The following OR4Q3 variants were observed in gnomAD, a reference collection of about 807,000 sequenced individuals.
OR4Q3 encodes olfactory receptor 4Q3.
In OR4Q3, 17 loss-of-function variants were observed where a neutral mutation model predicts 18.8. The observed-to-expected ratio is 0.91, with a 90% CI of 0.62 to 1.36. OR4Q3 has a LOEUF of 1.36. Among genes scored for constraint, OR4Q3 ranks in the 40% most tolerant of loss-of-function variants. The probability of loss-of-function intolerance (pLI) is 0.00; values close to 1 mark genes in which losing one functional copy is unlikely to be tolerated. For missense variants in OR4Q3, 378 were observed against 373.4 expected, an observed-to-expected ratio of 1.01 and a Z score of -0.10; for synonymous variants, 158 against 145.8, an observed-to-expected ratio of 1.08 and a Z score of -0.60.
chr14:19,749,769 T>TC, downstream of OR4Q3, among the ~76,000 whole-genome samples: 1 of 144,966 alleles, frequency 6.9e-6, no homozygotes, highest in Non-Finnish European at 1.5e-5. Flanking sequence ...TCTCTCTTTT[T>TC]CTCTTTTTCT....
chr14:19,749,640 C>CAAAAAAA, downstream of OR4Q3, among the ~76,000 whole-genome samples: 73 of 107,454 alleles, frequency 6.8e-4, no homozygotes, highest in African/African-American at 1.3e-3. Flanking sequence ...AAAAAGAAAG[C>CAAAAAAA]AAGCTAATAA....
intron 1 of OR4Q3, among the ~76,000 whole-genome samples, chr14:19,746,124 T>G: frequency 1.3e-5 from 2 of 151,998 alleles, no homozygotes; most frequent in Admixed American, 6.6e-5. Flanking sequence ...TGAAGGATTT[T>G]ATTGGATAAC....
exon 2 of OR4Q3, chr14:19,748,146 C>T: frequency 1.9e-6 from 3 of 1,614,074 alleles, no homozygotes; most frequent in Non-Finnish European, 2.5e-6. Flanking sequence ...GTCTTCTCTA[C>T]CTGTGCTTCT....
At chr14:19,746,001 C>G in intron 1 of OR4Q3, among the ~76,000 whole-genome samples, 2 of 152,074 alleles carry the variant, frequency 1.3e-5, no homozygotes, top group Admixed American at 1.3e-4. Context: ...CTCTCTCTCA[C>G]TGGCTTATCT....
downstream of OR4Q3, among the ~76,000 whole-genome samples, chr14:19,752,143 T>C: frequency 6.6e-6 from 1 of 152,134 alleles, no homozygotes; most frequent in Non-Finnish European, 1.5e-5. Flanking sequence ...CCCAAAGAAA[T>C]TGCAACAAAA....
chr14:19,748,425 C>T, exon 2 of OR4Q3: 3 of 1,357,104 alleles, frequency 2.2e-6, no homozygotes, highest in African/African-American at 1.5e-5. Context: ...AGACTCTTAA[C>T]TCATCTTGTA....
chr14:19,747,733 C>A, exon 2 of OR4Q3: 1 of 1,613,944 alleles, frequency 6.2e-7, no homozygotes, highest in East Asian at 2.2e-5. Flanking sequence ...TGGCCCAGAT[C>A]TACTTCCTCC....
At chr14:19,750,983 T>A, downstream of OR4Q3, among the ~76,000 whole-genome samples, 1 of 152,196 alleles carries the variant, frequency 6.6e-6, no homozygotes, top group African/African-American at 2.4e-5. Context: ...ACAGAAAGAT[T>A]TGAGTGGTGC....
chr14:19,744,940 T>C lies in OR4Q3; in HGVS notation c.2+1269T>C. Among the ~76,000 whole-genome samples the C allele has an allele frequency of 7.2e-5, 11 of 152,296 alleles. No individual in the cohort carries two copies. In the South Asian group the frequency reaches 8.3e-4, roughly 11 times the overall value. On this transcript the variant is annotated intron_variant, in intron 1 of 1. Transcript: ENST00000642117. ...CTTCAGAAACACAGAAGCTGGGAGA[T>C]GACTCTACCAAATGTGGAAATGTTA...
At chr14:19,749,086 C>G in exon 2 of OR4Q3, 1 of 152,458 alleles carries the variant, frequency 6.6e-6, no homozygotes, top group Non-Finnish European at 1.5e-5. Context: ...ATTGGAATTA[C>G]AGTGGGGGTG....
chr14:19,751,125 T>C, downstream of OR4Q3, among the ~76,000 whole-genome samples: 2 of 152,256 alleles, frequency 1.3e-5, no homozygotes, highest in Non-Finnish European at 2.9e-5. Flanking sequence ...TCATTTTAAA[T>C]GTCCAGTTGA....
exon 2 of OR4Q3, chr14:19,747,566 G>T: frequency 6.2e-7 from 1 of 1,613,712 alleles, no homozygotes. Flanking sequence ...CTTGATAGTG[G>T]TAACAGTGCA....
chr14:19,747,858 G>C, exon 2 of OR4Q3: 1 of 1,614,028 alleles, frequency 6.2e-7, no homozygotes, highest in Non-Finnish European at 8.5e-7. Context: ...CTATGCCTTT[G>C]GTTGGTTCTT....
intron 1 of OR4Q3, among the ~76,000 whole-genome samples, chr14:19,745,006 G>C: frequency 6.6e-6 from 1 of 152,160 alleles, no homozygotes; most frequent in Admixed American, 6.6e-5. Flanking sequence ...TTAGTATTAT[G>C]TTTCATATTG....
exon 2 of OR4Q3, chr14:19,747,641 C>A: frequency 1.2e-6 from 2 of 1,614,022 alleles, no homozygotes; most frequent in Non-Finnish European, 1.7e-6. Context: ...TTTCATTGAC[C>A]TATGCCTGAG....
intron 1 of OR4Q3, 47 bp from the exon 2 acceptor site, chr14:19,747,359 A>T: frequency 1.9e-6 from 2 of 1,056,920 alleles, no homozygotes; most frequent in Non-Finnish European, 2.8e-6. Flanking sequence ...GTGTACACAT[A>T]TATATCTACC....
At chr14:19,747,065 A>T in intron 1 of OR4Q3, among the ~76,000 whole-genome samples, 1 of 152,364 alleles carries the variant, frequency 6.6e-6, no homozygotes, top group Admixed American at 6.5e-5. Flanking sequence ...GGAGCTAGGC[A>T]TTCAATCTAG....
At chr14:19,749,925 C>T, downstream of OR4Q3, among the ~76,000 whole-genome samples, 1 of 127,496 alleles carries the variant, frequency 7.8e-6, no homozygotes, top group African/African-American at 2.9e-5. Context: ...TTCTTTCTTT[C>T]TCTCTCTCTT....
At chr14:19,750,610 C>A, downstream of OR4Q3, among the ~76,000 whole-genome samples, 2 of 152,160 alleles carry the variant, frequency 1.3e-5, no homozygotes, top group Non-Finnish European at 2.9e-5. Flanking sequence ...ATTGCAATAA[C>A]CCTGGTCGTG....
Sources: allele counts gnomAD v4.1 joint callset (sites outside exome capture counted in the v4.1 genomes callset), GRCh38; gene constraint gnomAD v4.1.1; transcripts MANE v1.5; gene names NCBI Gene and HGNC (gene_info 2026-07-23, HGNC 2026-07-21).